Variants in OVCH2 observed in about 807,000 individuals in gnomAD.
OVCH2 encodes ovochymase-2.
In OVCH2, 88 loss-of-function variants were observed where a neutral mutation model predicts 73.7. The observed-to-expected ratio is 1.19, with a 90% CI of 1.01 to 1.43. OVCH2 has a LOEUF of 1.43. OVCH2 is among the 40% of genes most tolerant of loss of function. The pLI, the probability that OVCH2 is intolerant of heterozygous loss-of-function variation, is 0.00. For missense variants in OVCH2, 706 were observed against 674.5 expected (o/e 1.05, Z -0.52); for synonymous variants, 265 against 234.5 (o/e 1.13, Z -1.19).
At chr11:7,694,507 G>C (rs569293958) in intron 12 of OVCH2, among the ~76,000 whole-genome samples, 1 of 152,148 alleles carries the variant, frequency 6.6e-6, no homozygotes, top group Admixed American at 6.5e-5. Context: ...GATTGACCTT[G>C]ATTTTGTTAT....
At chr11:7,695,783 C>G in intron 10 of OVCH2, 73 bp from the exon 11 acceptor site, 1 of 1,530,916 alleles carries the variant, frequency 6.5e-7, no homozygotes, top group Non-Finnish European at 8.8e-7. Context: ...TTAAGAAGAA[C>G]TGAATTTGCC....
At chr11:7,687,263 T>A (rs1458273716), downstream of OVCH2, among the ~76,000 whole-genome samples, 2 of 151,306 alleles carry the variant, frequency 1.3e-5, no homozygotes, top group African/African-American at 4.9e-5. Context: ...GTCAAAAAAA[T>A]ATGATGTTAC....
At chr11:7,685,490 G>A (rs1856132544), downstream of OVCH2, among the ~76,000 whole-genome samples, 1 of 152,168 alleles carries the variant, frequency 6.6e-6, no homozygotes, top group Non-Finnish European at 1.5e-5. Context: ...TGCATAATGA[G>A]TTTCTTAAAT....
At chr11:7,706,016 G>T (rs1386422939) in intron 1 of OVCH2, among the ~76,000 whole-genome samples, 1 of 152,158 alleles carries the variant, frequency 6.6e-6, no homozygotes, top group Non-Finnish European at 1.5e-5. Context: ...ATGGGATTAT[G>T]TAATGGGTTC....
chr11:7,693,563 A>C (rs1254517152), intron 12 of OVCH2, among the ~76,000 whole-genome samples: 2 of 152,164 alleles, frequency 1.3e-5, no homozygotes, highest in Non-Finnish European at 2.9e-5. Context: ...GCATTTTCAG[A>C]TTTTCAACTA....
In OVCH2 at chr11:7,698,626, G is replaced by C. The variant is rs1002537908; in HGVS notation, c.925+124C>G. On this transcript the variant is annotated intron_variant, in intron 8 of 15. Transcript: ENST00000533663. The stretch of plus-strand genomic sequence containing the variant: ...GGGCATAATGGCTGTAGGTGCTCCA[G>C]GTGGTAGTTTTAGACCTACTGAGCA... 3 of 934,212 alleles carry C rather than the reference G, an allele frequency of 3.2e-6. No homozygotes were observed. The East Asian group carries it at 8.4e-5, about 26-fold the overall frequency. 57.9% of individuals were successfully genotyped at this position (934,212 alleles called of 1,614,324 possible).
chr11:7,684,898 C>T (rs1056759040), downstream of OVCH2, among the ~76,000 whole-genome samples: 4 of 152,112 alleles, frequency 2.6e-5, no homozygotes, highest in Admixed American at 6.6e-5. Flanking sequence ...CTGAGAACAT[C>T]GTGGTGTCTG....
chr11:7,694,632 G>GTTTTGTTTTGTTTTGTTT (rs375600804), intron 12 of OVCH2, among the ~76,000 whole-genome samples: 7 of 114,758 alleles, frequency 6.1e-5, no homozygotes, highest in Admixed American at 3.1e-4. Context: ...GTTTTGTTTT[G>GTTTTGTTTTGTTTTGTTT]TGTTTTGAGA....
intron 12 of OVCH2, among the ~76,000 whole-genome samples, chr11:7,692,945 T>C (rs1054566112): frequency 6.6e-6 from 1 of 152,238 alleles, no homozygotes; most frequent in Non-Finnish European, 1.5e-5. Flanking sequence ...GCAGTGAATA[T>C]CTTTAGGCAT....
intron 12 of OVCH2, among the ~76,000 whole-genome samples, chr11:7,694,218 G>A (rs1856277190): frequency 6.6e-6 from 1 of 152,142 alleles, no homozygotes; most frequent in African/African-American, 2.4e-5. Flanking sequence ...CACCCTGACT[G>A]CAGTCCTACT....
chr11:7,694,614 T>TTTG, intron 12 of OVCH2, among the ~76,000 whole-genome samples: 1 of 14,016 alleles, frequency 7.1e-5, no homozygotes, highest in East Asian at 3.5e-3. Flanking sequence ...AAGTTTTTGT[T>TTTG]TTGTTTTGTT....
At chr11:7,695,953 C>T (rs974791588) in intron 10 of OVCH2, among the ~76,000 whole-genome samples, 5 of 152,178 alleles carry the variant, frequency 3.3e-5, no homozygotes, top group Non-Finnish European at 7.3e-5. Context: ...CTTGTGACAA[C>T]TGAAAAATGC....
At chr11:7,685,483 A>C (rs1357826330), downstream of OVCH2, among the ~76,000 whole-genome samples, 2 of 152,216 alleles carry the variant, frequency 1.3e-5, no homozygotes, top group Non-Finnish European at 2.9e-5. Flanking sequence ...TTTACCTTGC[A>C]TAATGAGTTT....
intron 3 of OVCH2, 27 bp from the exon 4 acceptor site, chr11:7,702,356 T>G: frequency 6.6e-7 from 1 of 1,518,444 alleles, no homozygotes; most frequent in Non-Finnish European, 8.9e-7. Context: ...GTAAAATGAA[T>G]GAATTTCATT....
At chr11:7,692,765 T>A (rs919925002) in intron 12 of OVCH2, among the ~76,000 whole-genome samples, 8 of 152,128 alleles carry the variant, frequency 5.3e-5, no homozygotes, top group Admixed American at 6.5e-5. Context: ...CTATGATGAG[T>A]AATGACCTAG....
chr11:7,701,863 T>A, intron 4 of OVCH2, 52 bp from the exon 5 acceptor site: 1 of 1,459,416 alleles, frequency 6.9e-7, no homozygotes, highest in Non-Finnish European at 9.4e-7. Flanking sequence ...GAGAGGACAC[T>A]ATAAGCCACT....
intron 13 of OVCH2, 104 bp downstream of exon 13, chr11:7,691,798 G>T: frequency 1.2e-6 from 1 of 827,178 alleles, no homozygotes; most frequent in Non-Finnish European, 1.9e-6. Flanking sequence ...GGGTGGAGGT[G>T]GTGCAGGAAG....
downstream of OVCH2, among the ~76,000 whole-genome samples, chr11:7,684,483 T>TAC (rs1394429078): frequency 2.4e-5 from 3 of 127,070 alleles, no homozygotes; most frequent in South Asian, 4.8e-4. Context: ...TATATATATA[T>TAC]ATATACACAC....
At chr11:7,703,520 C>T (rs562277395) in intron 3 of OVCH2, among the ~76,000 whole-genome samples, 178 bp downstream of exon 3, 3 of 152,240 alleles carry the variant, frequency 2.0e-5, no homozygotes, top group South Asian at 4.1e-4. Context: ...ATGTCATCTA[C>T]CAAGTGCCAT....
Sources: allele counts gnomAD v4.1 joint callset (sites outside exome capture counted in the v4.1 genomes callset), GRCh38; gene constraint gnomAD v4.1.1; transcripts MANE v1.5; gene names NCBI Gene and HGNC (gene_info 2026-07-23, HGNC 2026-07-21).